Variants in ANAPC4 observed in about 807,000 individuals in gnomAD.
The protein encoded by ANAPC4 is anaphase promoting complex subunit 4.
A neutral mutation model predicts 119.8 loss-of-function variants in ANAPC4; 63 were observed. That is an observed-to-expected ratio of 0.53 (90% confidence interval 0.43 to 0.65). The LOEUF (loss-of-function observed/expected upper bound fraction) is 0.65, where lower values mean the gene tolerates loss of function less well. Among genes scored for constraint, ANAPC4 ranks in the 30% least tolerant of loss-of-function variants. The pLI is 0.00. For missense variants in ANAPC4, 716 were observed against 945.1 expected, an observed-to-expected ratio of 0.76 and a Z score of 3.18; for synonymous variants, 283 against 318.6, an observed-to-expected ratio of 0.89 and a Z score of 1.19.
rs141967206 is a variant in ANAPC4 at position 25,414,580 on chromosome 4, T to C, written c.1725-19T>C. ...ATCCATCAATAGTTAAAAAATATTA[T>C]GACAATTTTTTTTCTTAGGTGGAAT... On this transcript the variant is annotated intron_variant, in intron 24 of 28. Transcript: ENST00000315368. The C allele has an allele frequency of 1.9e-6, 3 of 1,553,426 alleles. No homozygotes were observed. Among genetic ancestry groups the C allele is most frequent in the African/African-American group, 1.4e-5 (1 of 72,176 alleles).
At position 25,414,358 on chromosome 4, in the gene ANAPC4, G is replaced by C. The variant is rs748565993; in HGVS notation, c.1658G>C (p.Cys553Ser). 9 of 1,600,888 alleles carry C rather than the reference G, an allele frequency of 5.6e-6. 1 individual carries two copies. The Admixed American group carries it at 1.4e-4, about 24-fold the overall frequency. ...VIGKSMNQAI[C>S]IPLYRDTRSE... Reference sequence around the variant, plus strand: ...GGAAAATCGATGAATCAAGCAATCTGTATTCCATTGTATAGAGATACCAGA... The same window carrying C: ...GGAAAATCGATGAATCAAGCAATCTCTATTCCATTGTATAGAGATACCAGA... Residue 553 changes from cysteine to serine, a missense_variant, in exon 23 of 29, where the codon TGT (cysteine) becomes TCT (serine). Cys to Ser is a moderately radical substitution (Grantham distance 112). Transcript: ENST00000315368.
intron 18 of ANAPC4, among the ~76,000 whole-genome samples, chr4:25,406,102 C>T (rs899613856): frequency 2.0e-5 from 3 of 152,174 alleles, no homozygotes; most frequent in East Asian, 1.9e-4. Context: ...TTGATTCTTG[C>T]AGCTCACTCT....
chr4:25,378,772 C>T (rs1721551510), intron 2 of ANAPC4, among the ~76,000 whole-genome samples: 1 of 152,106 alleles, frequency 6.6e-6, no homozygotes, highest in South Asian at 2.1e-4. Flanking sequence ...CACATGAGAT[C>T]GGTGTTATTA....
intron 20 of ANAPC4, among the ~76,000 whole-genome samples, chr4:25,408,451 A>T (rs1005032493): frequency 6.6e-6 from 1 of 152,002 alleles, no homozygotes; most frequent in African/African-American, 2.4e-5. Context: ...GCTAGATTTC[A>T]TTAATAGCAC....
At chr4:25,411,899 T>G (rs1265753183) in intron 21 of ANAPC4, among the ~76,000 whole-genome samples, 3 of 152,178 alleles carry the variant, frequency 2.0e-5, no homozygotes, top group Non-Finnish European at 4.4e-5. Context: ...AATTCAATTC[T>G]GACACGAATT....
At chr4:25,392,994 G>A (rs1487850011) in intron 10 of ANAPC4, among the ~76,000 whole-genome samples, 2 of 152,176 alleles carry the variant, frequency 1.3e-5, no homozygotes, top group Non-Finnish European at 1.5e-5. Flanking sequence ...TGAGGCCCTG[G>A]AGTCAACAGT....
chr4:25,401,736 C>A (rs1722989790), intron 16 of ANAPC4, among the ~76,000 whole-genome samples: 1 of 152,242 alleles, frequency 6.6e-6, no homozygotes, highest in South Asian at 2.1e-4. Context: ...TTCTATTGTT[C>A]TTTTTGTTTT....
Position 25,392,306 on chromosome 4 carries a change from T to C in ANAPC4, c.706-32T>C, listed in dbSNP as rs747256572. On this transcript the variant is annotated intron_variant, in intron 9 of 28. Coordinates refer to ENST00000315368, the MANE Select transcript of ANAPC4 (RefSeq NM_013367.3). ...CAGACTTTGCAGCAAGTGCATCTGA[T>C]GATGACTCACTTTACTCTTTTGATT... is the stretch of plus-strand genomic sequence containing the variant. 3.4e-6 allele frequency: 5 copies of C among 1,470,864 alleles called. No individual in the cohort carries two copies. In the Middle Eastern group the frequency reaches 8.6e-4, roughly 254 times the overall value. The allele number at this position is 1,470,864 out of a possible 1,614,324, so 91.1% of individuals were successfully genotyped here.
chr4:25,385,533 G>C (rs1721984087), intron 4 of ANAPC4, among the ~76,000 whole-genome samples: 1 of 152,190 alleles, frequency 6.6e-6, no homozygotes, highest in Non-Finnish European at 1.5e-5. Flanking sequence ...TGGCTGGTTT[G>C]ATCTGTCCAG....
chr4:25,405,673 G>C lies in ANAPC4; in HGVS notation c.1317+54G>C. 6.4e-7 allele frequency: 1 copy of C among 1,556,958 alleles called. No individual in the cohort carries two copies. Among genetic ancestry groups the C allele is most frequent in the South Asian group, 1.1e-5 (1 of 88,580 alleles). On this transcript the variant is annotated intron_variant, in intron 18 of 28. Transcript: ENST00000315368. This position sits in a 1 kb window ranked among gnomAD's most constrained non-coding sequence, Gnocchi z 4.6. ...GTTCACATTGTCCTGCTTGAACTCA[G>C]CTGTGCTGGTCATTTTGGTACTCTT...
Position 25,383,241 on chromosome 4 carries a change from A to T in ANAPC4, c.236-20A>T. On this transcript the variant is annotated intron_variant, in intron 3 of 28. Coordinates refer to ENST00000315368, the MANE Select transcript of ANAPC4 (RefSeq NM_013367.3). ...TCAATTGTTACACTAATTTATTCTG[A>T]TTGTTTTTTCTTGTTTTAGTTTTGG... 6.3e-7 allele frequency: 1 copy of T among 1,579,108 alleles called. No homozygotes were observed. Among genetic ancestry groups the T allele is most frequent in the Non-Finnish European group, 8.6e-7 (1 of 1,164,934 alleles).
chr4:25,388,223 T>C (rs1722149140), intron 4 of ANAPC4, among the ~76,000 whole-genome samples: 3 of 152,242 alleles, frequency 2.0e-5, no homozygotes, highest in Non-Finnish European at 4.4e-5. Context: ...TACATATGAA[T>C]GCATTTCATA....
At chr4:25,406,975 T>A in intron 19 of ANAPC4, 90 bp downstream of exon 19, 2 of 1,109,364 alleles carry the variant, frequency 1.8e-6, no homozygotes, top group Non-Finnish European at 2.6e-6. Flanking sequence ...TAACCCAATT[T>A]AATTGAAGTC....
At chr4:25,414,137 C>T (rs1723728972) in intron 22 of ANAPC4, 187 bp from the exon 23 acceptor site, 1 of 513,600 alleles carries the variant, frequency 1.9e-6, no homozygotes, top group East Asian at 3.2e-5. Context: ...CACCAAGGTC[C>T]TTTTCAGCTC....
rs1253582302 is a variant in ANAPC4 at position 25,417,935 on chromosome 4, TTAA to T, written c.2199+205_2199+207del. On this transcript the variant is annotated intron_variant, in intron 28 of 28. Coordinates refer to ENST00000315368, the MANE Select transcript of ANAPC4 (RefSeq NM_013367.3). Reference sequence around the variant, plus strand: ...TGTTCTGATAAAGCTTACTAAGTAGTTAATAATAATACTAGATTTTAATCTCAC... The same window carrying T: ...TGTTCTGATAAAGCTTACTAAGTAGTTAATAATACTAGATTTTAATCTCAC... The T allele has an allele frequency of 4.9e-5, 42 of 854,558 alleles. No individual in the cohort carries two copies. The South Asian group carries it at 6.6e-4, about 13-fold the overall frequency. The allele number at this position is 854,558 out of a possible 1,614,324, so 52.9% of individuals were successfully genotyped here. A position where few individuals can be genotyped will look rare whatever the true frequency, so the allele number is the denominator to read the frequency against.
At position 25,402,963 on chromosome 4, in the gene ANAPC4, C is replaced by G. The variant is rs779044909; in HGVS notation, c.1215-8C>G. ...CTTATTTCTGATTTTTTGTTTTTATCTCTTTAGAGTTATAGATAGTAGTAT... is the reference window on the plus strand; with the variant it reads ...CTTATTTCTGATTTTTTGTTTTTATGTCTTTAGAGTTATAGATAGTAGTAT... On this transcript the variant is annotated splice_polypyrimidine_tract_variant and splice_region_variant and intron_variant, in intron 16 of 28. Transcript: ENST00000315368. 2 of 1,536,454 alleles carry G rather than the reference C, an allele frequency of 1.3e-6. No individual in the cohort carries two copies. The highest frequency in any genetic ancestry group is 3.6e-5 in the Admixed American group (2 of 54,994).
chr4:25,387,533 A>T (rs2109115687), intron 4 of ANAPC4, among the ~76,000 whole-genome samples: 1 of 152,326 alleles, frequency 6.6e-6, no homozygotes, highest in South Asian at 2.1e-4. Flanking sequence ...AGAGCATATC[A>T]TGTAATTCCT....
rs560990883 is a variant in ANAPC4 at position 25,414,175 on chromosome 4, C to G, written c.1624-149C>G. 21 of 572,256 alleles carry G rather than the reference C, an allele frequency of 3.7e-5. No homozygotes were observed. The Admixed American group carries it at 4.1e-4, about 11-fold the overall frequency. The allele number at this position is 572,256 out of a possible 1,614,324, so 35.4% of individuals were successfully genotyped here. A position where few individuals can be genotyped will look rare whatever the true frequency, so the allele number is the denominator to read the frequency against. On this transcript the variant is annotated intron_variant, in intron 22 of 28. Transcript: ENST00000315368. ...AATTTTCTCTTTTTCCTTACTGTTA[C>G]AATTGTCATTAACGTTTCTTATGTA...
Position 25,394,867 on chromosome 4 carries a change from C to T in ANAPC4, c.1023C>T (p.Tyr341=), listed in dbSNP as rs1165093554. Residue 341 remains tyrosine, a synonymous_variant, in exon 14 of 29, where the codon TAC becomes TAT. Transcript: ENST00000315368. ...KKLGQSIESS[Y]SSIQKLVISH... is the part of the protein sequence containing the mutation. ...TTGGCCAGTCTATAGAGTCATCATA[C>T]TCCAGTATACAAAAATTGGTCATAA... 1 of 1,613,134 alleles carries T rather than the reference C, an allele frequency of 6.2e-7. No individual in the cohort carries two copies. The highest frequency in any genetic ancestry group is 1.7e-5 in the Admixed American group (1 of 59,854).
Sources: gnomAD v4.1 joint callset for allele counts (sites outside exome capture counted in the v4.1 genomes callset) on GRCh38, gnomAD v4.1.1 for gene constraint, Gnocchi (gnomAD v3.1) non-coding constraint, MANE v1.5 for transcripts, NCBI Gene and HGNC (gene_info 2026-07-23, HGNC 2026-07-21) for gene names.